DZIP3: variants seen among roughly 807,000 people sequenced by gnomAD.
DZIP3 encodes the protein DAZ interacting zinc finger protein 3.
Under a neutral mutation model 162.0 loss-of-function variants are expected in DZIP3, and 118 were observed. The observed-to-expected ratio is 0.73, with a 90% CI of 0.63 to 0.85. The LOEUF is 0.85. Among genes scored for constraint, DZIP3 ranks in the 40% least tolerant of loss-of-function variants. The pLI, the probability that DZIP3 is intolerant of heterozygous loss-of-function variation, is 0.00. For missense variants in DZIP3, 1,331 were observed against 1,407.0 expected (o/e 0.95, Z 0.86); for synonymous variants, 438 against 458.6 (o/e 0.96, Z 0.57).
At chr3:108,676,766 G>T (rs1944126337) in intron 25 of DZIP3, among the ~76,000 whole-genome samples, 1 of 151,996 alleles carries the variant, frequency 6.6e-6, no homozygotes, top group Non-Finnish European at 1.5e-5. Flanking sequence ...CAAAATTTTT[G>T]CCTCAAAAGA....
chr3:108,629,083 A>G lies in DZIP3; in HGVS notation c.603A>G (p.Glu201=). Reference sequence around the variant, plus strand: ...TCAGATATAATGGAGGACTGCTAGAATTTCATAAAAGCTTACAAGAAATTG... The same window carrying G: ...TCAGATATAATGGAGGACTGCTAGAGTTTCATAAAAGCTTACAAGAAATTG... The part of the protein sequence containing the change: ...AQKRYNGGLL[E]FHKSLQEIGD... The change falls in exon 8 of 33, where the codon GAA becomes GAG. Residue 201 remains glutamate, a synonymous_variant. Coordinates refer to ENST00000361582, the MANE Select transcript of DZIP3 (RefSeq NM_014648.4). 6.2e-7 allele frequency: 1 copy of G among 1,601,846 alleles called. No homozygotes were observed. Among genetic ancestry groups the G allele is most frequent in the Non-Finnish European group, 8.5e-7 (1 of 1,175,760 alleles).
At chr3:108,607,775 C>T (rs972313799) in intron 2 of DZIP3, among the ~76,000 whole-genome samples, 2 of 152,156 alleles carry the variant, frequency 1.3e-5, no homozygotes, top group Non-Finnish European at 2.9e-5. Flanking sequence ...TTTAAGACCT[C>T]TTTTCCCTTT....
intron 26 of DZIP3, among the ~76,000 whole-genome samples, chr3:108,678,913 A>G (rs1279890692): frequency 1.3e-5 from 2 of 151,186 alleles, no homozygotes; most frequent in East Asian, 3.9e-4. Context: ...ATCTATAGCT[A>G]AAAGAATTAT....
chr3:108,642,369 T>C (rs1197262478), intron 12 of DZIP3, 69 bp from the exon 13 acceptor site: 13 of 1,403,106 alleles, frequency 9.3e-6, no homozygotes, highest in African/African-American at 4.4e-5. Context: ...GCCATGCTCA[T>C]ACTAGAAATC....
intron 5 of DZIP3, 119 bp from the exon 6 acceptor site, chr3:108,624,325 T>C: frequency 1.6e-6 from 1 of 607,756 alleles, no homozygotes; most frequent in Non-Finnish European, 2.9e-6. Context: ...CTGATAATGT[T>C]TTGATAATTT....
intron 29 of DZIP3, 111 bp from the exon 30 acceptor site, chr3:108,688,482 G>T: frequency 8.2e-7 from 1 of 1,216,346 alleles, no homozygotes; most frequent in Non-Finnish European, 1.1e-6. Context: ...TCACAAATCT[G>T]ATTATTTACC....
chr3:108,659,136 G>A (rs140144088), intron 19 of DZIP3, among the ~76,000 whole-genome samples: 6 of 152,110 alleles, frequency 3.9e-5, no homozygotes, highest in Admixed American at 6.6e-5. Context: ...TCCCTAACTT[G>A]TTTTATGAGG....
At chr3:108,594,998 C>T (rs1403797291) in intron 1 of DZIP3, among the ~76,000 whole-genome samples, 1 of 152,130 alleles carries the variant, frequency 6.6e-6, no homozygotes, top group African/African-American at 2.4e-5. Context: ...TTTTTAAATG[C>T]TAATAGTCAT....
At chr3:108,659,886 C>G (rs1250662930) in intron 19 of DZIP3, among the ~76,000 whole-genome samples, 3 of 152,002 alleles carry the variant, frequency 2.0e-5, no homozygotes, top group Non-Finnish European at 4.4e-5. Context: ...CTCCCATTCA[C>G]AATTGCTTCA....
chr3:108,634,859 A>G lies in DZIP3; in HGVS notation c.817-12A>G, dbSNP rs1400139895. On this transcript the variant is annotated splice_polypyrimidine_tract_variant and intron_variant, in intron 9 of 32. Transcript: ENST00000361582. The stretch of plus-strand genomic sequence containing the variant: ...ATGTCCTTATTGATAACTTACTTTT[A>G]TTTTTTTCCAGGGATTTTTTCAGTT... 4 of 1,574,698 alleles carry G rather than the reference A, an allele frequency of 2.5e-6. No homozygotes were observed. The highest frequency in any genetic ancestry group is 3.5e-6 in the Non-Finnish European group (4 of 1,152,056).
chr3:108,630,880 C>G (rs1277252684), intron 8 of DZIP3, among the ~76,000 whole-genome samples: 4 of 151,864 alleles, frequency 2.6e-5, no homozygotes, highest in Non-Finnish European at 5.9e-5. Context: ...TTCCAACTTT[C>G]TAGACATTTT....
intron 23 of DZIP3, among the ~76,000 whole-genome samples, 198 bp downstream of exon 23, chr3:108,672,854 A>G (rs1006664630): frequency 1.3e-5 from 2 of 151,872 alleles, no homozygotes; most frequent in Non-Finnish European, 2.9e-5. Context: ...TTCAGTTTTG[A>G]TGTTCTTATG....
chr3:108,677,403 A>G, intron 25 of DZIP3, 94 bp from the exon 26 acceptor site: 2 of 988,330 alleles, frequency 2.0e-6, no homozygotes, highest in Non-Finnish European at 3.1e-6. Context: ...CCACTCTTGT[A>G]TGTTGTATTA....
intron 3 of DZIP3, among the ~76,000 whole-genome samples, chr3:108,610,416 A>G (rs1940638272): frequency 6.6e-6 from 1 of 152,208 alleles, no homozygotes; most frequent in South Asian, 2.1e-4. Context: ...ATAGTCCTGC[A>G]ATGGACTTTA....
chr3:108,610,943 C>G (rs1940670254), intron 3 of DZIP3, among the ~76,000 whole-genome samples: 1 of 152,128 alleles, frequency 6.6e-6, no homozygotes, highest in South Asian at 2.1e-4. Context: ...GTAAAAAGCA[C>G]ATTTAGATAT....
intron 26 of DZIP3, among the ~76,000 whole-genome samples, chr3:108,678,059 T>C (rs1351590457): frequency 2.0e-5 from 3 of 151,978 alleles, no homozygotes; most frequent in Non-Finnish European, 4.4e-5. Flanking sequence ...CTCTGCATCC[T>C]GTCAAATCAG....
At chr3:108,675,955 T>C in intron 25 of DZIP3, 82 bp downstream of exon 25, 1 of 1,196,036 alleles carries the variant, frequency 8.4e-7, no homozygotes. Flanking sequence ...GTAGAAAAAT[T>C]TAAGGAAGAA....
chr3:108,607,990 A>G (rs1940474775), intron 2 of DZIP3, 99 bp from the exon 3 acceptor site: 1 of 1,058,192 alleles, frequency 9.5e-7, no homozygotes, highest in Non-Finnish European at 1.4e-6. Context: ...TTTTGGTTAC[A>G]CTTTCAGACA....
chr3:108,650,662 G>A (rs1401905043), intron 17 of DZIP3, among the ~76,000 whole-genome samples: 2 of 151,124 alleles, frequency 1.3e-5, no homozygotes, highest in East Asian at 1.9e-4. Context: ...GATTCTTAAC[G>A]TATCAGTCTG....
Sources: gnomAD v4.1 joint callset for allele counts (sites outside exome capture counted in the v4.1 genomes callset) on GRCh38, gnomAD v4.1.1 for gene constraint, MANE v1.5 for transcripts, NCBI Gene and HGNC (gene_info 2026-07-23, HGNC 2026-07-21) for gene names.